The following RTL4 variants were observed in gnomAD, a reference collection of about 807,000 sequenced individuals.
RTL4 encodes retrotransposon Gag like 4.
Under a neutral mutation model 5.3 loss-of-function variants are expected in RTL4, and 4 were observed. The ratio of observed to expected loss-of-function variants is 0.75; its 90% CI spans 0.37 to 1.72. The LOEUF is 1.72. Ranked by LOEUF, RTL4 falls within the 40% of genes most tolerant of loss-of-function variation. The pLI is 0.04. For missense variants in RTL4, 260 were observed against 227.1 expected (o/e 1.14, Z -0.93); for synonymous variants, 98 against 87.3 (o/e 1.12, Z -0.68).
At chrX:112,244,564 G>A in the RTL4 span, among the ~76,000 whole-genome samples, 11 of 110,164 alleles carry the variant, frequency 1.0e-4, no homozygotes, top group Middle Eastern at 4.6e-3. Context: ...TTCCTCCATC[G>A]CTTTATTTTG....
the RTL4 span, among the ~76,000 whole-genome samples, chrX:112,263,252 G>A: frequency 9.1e-6 from 1 of 109,343 alleles, no homozygotes; most frequent in Non-Finnish European, 1.9e-5. Flanking sequence ...GTAGAGAGAA[G>A]CATTGTGTTC....
the RTL4 span, among the ~76,000 whole-genome samples, chrX:112,186,444 A>C: frequency 9.0e-6 from 1 of 111,539 alleles, no homozygotes; most frequent in Non-Finnish European, 1.9e-5. Context: ...GAGAGGAGAG[A>C]ATGTATATGT....
At chrX:112,353,128 T>C in the RTL4 span, among the ~76,000 whole-genome samples, 3 of 111,359 alleles carry the variant, frequency 2.7e-5, no homozygotes, top group East Asian at 8.6e-4. Context: ...AAAAACCACA[T>C]TGAAATACCA....
chrX:112,310,628 T>G, the RTL4 span, among the ~76,000 whole-genome samples: 228 of 60,017 alleles, frequency 3.8e-3, no homozygotes, highest in Non-Finnish European at 5.6e-3. Context: ...ATATATATTA[T>G]GTTTATATAT....
At chrX:112,406,182 G>A in the RTL4 span, among the ~76,000 whole-genome samples, 1 of 111,626 alleles carries the variant, frequency 9.0e-6, no homozygotes, top group Non-Finnish European at 1.9e-5. Context: ...GCAAGTCCTA[G>A]TGCTGAACTG....
chrX:112,362,254 G>A, the RTL4 span, among the ~76,000 whole-genome samples: 1 of 111,910 alleles, frequency 8.9e-6, no homozygotes, highest in African/African-American at 3.2e-5. Flanking sequence ...GATGCTGGAC[G>A]TAGAGCAATG....
the RTL4 span, among the ~76,000 whole-genome samples, chrX:112,323,184 G>T: frequency 8.9e-6 from 1 of 111,997 alleles, no homozygotes; most frequent in Non-Finnish European, 1.9e-5. Context: ...TTTCAACTTT[G>T]TCAGTTTGAT....
At chrX:112,264,135 A>G in the RTL4 span, among the ~76,000 whole-genome samples, 1 of 111,546 alleles carries the variant, frequency 9.0e-6, no homozygotes, top group Non-Finnish European at 1.9e-5. Flanking sequence ...CATGGTGCCC[A>G]GGAGAGAATA....
the RTL4 span, among the ~76,000 whole-genome samples, chrX:112,288,650 T>C: frequency 8.9e-6 from 1 of 111,992 alleles, no homozygotes; most frequent in Non-Finnish European, 1.9e-5. Flanking sequence ...TTGGCAGAAG[T>C]TTATTTCTCC....
At chrX:112,383,771 TTACAAG>T in the RTL4 span, among the ~76,000 whole-genome samples, 1 of 111,498 alleles carries the variant, frequency 9.0e-6, no homozygotes, top group African/African-American at 3.3e-5. Flanking sequence ...ATGTTCTCAC[TTACAAG>T]TAGGAGTTAA....
At chrX:112,455,573 A>G (rs1387772101) in exon 1 of RTL4, 3 of 1,211,814 alleles carry the variant, frequency 2.5e-6, no homozygotes, top group Admixed American at 2.2e-5. Context: ...TTGTGCCTCT[A>G]CTGCAGCCAA....
chrX:112,324,161 T>C, the RTL4 span, among the ~76,000 whole-genome samples: 1 of 112,554 alleles, frequency 8.9e-6, no homozygotes, highest in East Asian at 2.8e-4. Flanking sequence ...TCTGGACATG[T>C]CATATAAATA....
chrX:112,348,934 C>A, the RTL4 span, among the ~76,000 whole-genome samples: 4 of 110,291 alleles, frequency 3.6e-5, no homozygotes, highest in Non-Finnish European at 7.6e-5. Flanking sequence ...CTGCCAGACA[C>A]TTTTATAAGA....
the RTL4 span, among the ~76,000 whole-genome samples, chrX:112,140,051 C>T: frequency 8.9e-6 from 1 of 112,196 alleles, no homozygotes; most frequent in Non-Finnish European, 1.9e-5. Flanking sequence ...TCTTTATCAG[C>T]AGCATGAAAA....
chrX:112,417,221 A>C, the RTL4 span, among the ~76,000 whole-genome samples: 1 of 111,738 alleles, frequency 8.9e-6, no homozygotes, highest in Non-Finnish European at 1.9e-5. Context: ...AAGTGGGCAC[A>C]GATTGAAGAT....
the RTL4 span, among the ~76,000 whole-genome samples, chrX:112,247,230 C>T: frequency 9.0e-6 from 1 of 111,185 alleles, no homozygotes; most frequent in Non-Finnish European, 1.9e-5. Context: ...TTAAATATAC[C>T]AAGTAAAAAG....
chrX:112,214,795 G>T, the RTL4 span, among the ~76,000 whole-genome samples: 4 of 107,738 alleles, frequency 3.7e-5, no homozygotes, highest in Admixed American at 3.0e-4. Flanking sequence ...TGTTTGTTTT[G>T]TTTTTTTTTG....
At chrX:112,294,864 C>A in the RTL4 span, among the ~76,000 whole-genome samples, 16 of 111,492 alleles carry the variant, frequency 1.4e-4, no homozygotes, top group African/African-American at 4.9e-4. Flanking sequence ...TGATAGATGA[C>A]CTCTTTTTAA....
At chrX:112,175,773 A>G in the RTL4 span, among the ~76,000 whole-genome samples, 1 of 111,272 alleles carries the variant, frequency 9.0e-6, no homozygotes, top group African/African-American at 3.3e-5. Flanking sequence ...AGCCAATATC[A>G]TACTGAATGG....
Sources: allele counts gnomAD v4.1 joint callset (sites outside exome capture counted in the v4.1 genomes callset), GRCh38; gene constraint gnomAD v4.1.1; transcripts MANE v1.5; gene names NCBI Gene and HGNC (gene_info 2026-07-23, HGNC 2026-07-21).